The following UACA variants were observed in gnomAD, a reference collection of about 807,000 sequenced individuals.
UACA encodes uveal autoantigen with coiled-coil domains and ankyrin repeats.
A neutral mutation model predicts 160.5 loss-of-function variants in UACA; 112 were observed. The observed-to-expected ratio is 0.70, with a 90% CI of 0.60 to 0.82. The LOEUF (loss-of-function observed/expected upper bound fraction) is 0.82. UACA is among the 40% of genes least tolerant of loss of function. The pLI is 0.00. For missense variants in UACA, 1,574 were observed against 1,614.6 expected (o/e 0.97, Z 0.43); for synonymous variants, 557 against 568.4 (o/e 0.98, Z 0.29).
intron 16 of UACA, among the ~76,000 whole-genome samples, chr15:70,666,203 A>T (rs1314162804): frequency 3.9e-5 from 6 of 152,208 alleles, no homozygotes; most frequent in African/African-American, 1.4e-4. Flanking sequence ...ATGTTAATGA[A>T]TGTATAGGAT....
At chr15:70,687,698 G>A (rs1223847723) in intron 6 of UACA, 52 bp from the exon 7 acceptor site, 1 of 1,612,768 alleles carries the variant, frequency 6.2e-7, no homozygotes, top group South Asian at 1.1e-5. Flanking sequence ...CTCCCAAAAT[G>A]TAGAAGTTAG....
At chr15:70,743,542 A>G (rs566251960) in intron 1 of UACA, among the ~76,000 whole-genome samples, 3 of 152,370 alleles carry the variant, frequency 2.0e-5, no homozygotes, top group East Asian at 1.9e-4. Flanking sequence ...GGTCACTTCC[A>G]GTCCTAAAAT....
At chr15:70,713,270 C>T (rs1375366896) in intron 1 of UACA, among the ~76,000 whole-genome samples, 1 of 152,194 alleles carries the variant, frequency 6.6e-6, no homozygotes, top group Admixed American at 6.5e-5. Flanking sequence ...ATGGCGCGAA[C>T]CCAGGAGGCA....
intron 1 of UACA, among the ~76,000 whole-genome samples, chr15:70,736,966 T>C (rs1174777449): frequency 1.3e-5 from 2 of 152,240 alleles, no homozygotes; most frequent in Non-Finnish European, 2.9e-5. Flanking sequence ...TTCAGTTTAC[T>C]AGTTATCAAA....
At chr15:70,708,646 T>C (rs1414283213) in intron 1 of UACA, among the ~76,000 whole-genome samples, 1 of 152,130 alleles carries the variant, frequency 6.6e-6, no homozygotes, top group Non-Finnish European at 1.5e-5. Context: ...TTTTTTTGTA[T>C]TTTTAGTAGA....
At chr15:70,704,193 G>C (rs1898459707) in intron 1 of UACA, among the ~76,000 whole-genome samples, 2 of 152,136 alleles carry the variant, frequency 1.3e-5, no homozygotes, top group African/African-American at 4.8e-5. Context: ...CCCATCTTAA[G>C]AACCAGAATC....
At chr15:70,692,768 G>GA (rs1396652019) in intron 3 of UACA, among the ~76,000 whole-genome samples, 4 of 151,924 alleles carry the variant, frequency 2.6e-5, no homozygotes, top group Non-Finnish European at 5.9e-5. Flanking sequence ...AATCCTGTCA[G>GA]AAAAAAACAA....
chr15:70,720,892 T>C (rs1354902090), intron 1 of UACA, among the ~76,000 whole-genome samples: 1 of 152,162 alleles, frequency 6.6e-6, no homozygotes, highest in Non-Finnish European at 1.5e-5. Context: ...TTTAACAGTA[T>C]CACAAGTTAC....
intron 1 of UACA, among the ~76,000 whole-genome samples, chr15:70,723,884 G>A (rs978488631): frequency 6.6e-5 from 10 of 152,034 alleles, no homozygotes; most frequent in African/African-American, 2.2e-4. Context: ...CACCCGCCTC[G>A]GCCTCCCAAA....
In UACA at chr15:70,656,939, A is replaced by C; in HGVS notation, c.*117T>G. 1.5e-6 allele frequency: 1 copy of C among 682,324 alleles called. No homozygotes were observed. The highest frequency in any genetic ancestry group is 2.3e-6 in the Non-Finnish European group (1 of 428,660). 42.3% of individuals were successfully genotyped at this position (682,324 alleles called of 1,614,324 possible). On this transcript the variant is annotated 3_prime_UTR_variant, in exon 19 of 19. Transcript: ENST00000322954. ...TTAAAAAAAAACCTACCAATAGAAC[A>C]AAATATATTTTATTTTAATTATACC...
chr15:70,751,278 T>C (rs1412113515), intron 1 of UACA, among the ~76,000 whole-genome samples: 1 of 152,122 alleles, frequency 6.6e-6, no homozygotes, highest in Non-Finnish European at 1.5e-5. Context: ...ATTTTTTTCA[T>C]AATTGAAAAA....
intron 7 of UACA, 57 bp downstream of exon 7, chr15:70,687,483 G>C: frequency 6.6e-7 from 1 of 1,522,684 alleles, no homozygotes; most frequent in East Asian, 2.3e-5. Context: ...GCTTTGACTT[G>C]GCCTTTCCAT....
intron 1 of UACA, among the ~76,000 whole-genome samples, chr15:70,716,156 T>C (rs1056791967): frequency 9.8e-5 from 15 of 152,322 alleles, no homozygotes; most frequent in Non-Finnish European, 1.6e-4. Flanking sequence ...GTGACCTTTG[T>C]AGGAGATCCT....
chr15:70,717,557 C>T (rs1373262830), intron 1 of UACA, among the ~76,000 whole-genome samples: 2 of 152,306 alleles, frequency 1.3e-5, no homozygotes, highest in East Asian at 3.9e-4. Flanking sequence ...AGTTTGCCAA[C>T]CCTTGTTTCA....
At chr15:70,722,908 T>C (rs1423680368) in intron 1 of UACA, among the ~76,000 whole-genome samples, 5 of 152,176 alleles carry the variant, frequency 3.3e-5, no homozygotes, top group Non-Finnish European at 7.4e-5. Flanking sequence ...TAACTTATCA[T>C]TACTAAAAAC....
chr15:70,712,843 G>GT (rs978590499), intron 1 of UACA, among the ~76,000 whole-genome samples: 2 of 152,134 alleles, frequency 1.3e-5, no homozygotes, highest in African/African-American at 4.8e-5. Flanking sequence ...CAATGTAAAA[G>GT]TATCTTTTTA....
At chr15:70,763,676 T>G (rs1338659373), upstream of UACA, 1 of 442,782 alleles carries the variant, frequency 2.3e-6, no homozygotes, top group Non-Finnish European at 3.6e-6. Context: ...TTAAACTGAG[T>G]AACACCCTTC....
At chr15:70,725,822 G>A (rs1279987247) in intron 1 of UACA, among the ~76,000 whole-genome samples, 6 of 152,042 alleles carry the variant, frequency 3.9e-5, no homozygotes, top group African/African-American at 7.2e-5. Context: ...AGATGAAGGC[G>A]ACACCAAGTC....
At chr15:70,674,349 T>C (rs1295673351) in intron 13 of UACA, among the ~76,000 whole-genome samples, 1 of 152,206 alleles carries the variant, frequency 6.6e-6, no homozygotes, top group Non-Finnish European at 1.5e-5. Context: ...GGATGTACTA[T>C]ATGATCCCAC....
Sources: allele counts gnomAD v4.1 joint callset (sites outside exome capture counted in the v4.1 genomes callset), GRCh38; gene constraint gnomAD v4.1.1; transcripts MANE v1.5; gene names NCBI Gene and HGNC (gene_info 2026-07-23, HGNC 2026-07-21).